Variants in PTK2 observed in about 807,000 individuals in gnomAD.
PTK2 encodes protein tyrosine kinase 2.
Under a neutral mutation model 150.1 loss-of-function variants are expected in PTK2, and 45 were observed. The ratio of observed to expected loss-of-function variants is 0.30; its 90% CI spans 0.24 to 0.38. PTK2 has a LOEUF of 0.38. Among genes scored for constraint, PTK2 ranks in the 10% least tolerant of loss-of-function variants. The pLI, the probability that PTK2 is intolerant of heterozygous loss-of-function variation, is 1.00. For synonymous variants in PTK2, 432 were observed against 449.2 expected (o/e 0.96, Z 0.48); for missense variants, 919 against 1,307.3 (o/e 0.70, Z 4.58).
chr8:140,962,931 T>C (rs529928569), intron 1 of PTK2, among the ~76,000 whole-genome samples: 127 of 151,858 alleles, frequency 8.4e-4, no homozygotes, highest in African/African-American at 2.7e-3. Flanking sequence ...AGTGCTCTCC[T>C]GGGGACCCTA....
At chr8:140,814,861 G>A (rs916146439) in intron 10 of PTK2, among the ~76,000 whole-genome samples, 18 of 150,418 alleles carry the variant, frequency 1.2e-4, no homozygotes, top group Middle Eastern at 3.5e-3. Flanking sequence ...TGCAAGCTCC[G>A]CCTCCCGGGT....
chr8:140,759,910 T>C (rs1337697883), intron 16 of PTK2, among the ~76,000 whole-genome samples: 3 of 149,954 alleles, frequency 2.0e-5, no homozygotes, highest in Non-Finnish European at 1.5e-5. Context: ...CTAATAGGCA[T>C]ATACAAAAGA....
intron 29 of PTK2, 122 bp from the exon 34 acceptor site, chr8:140,668,546 T>C (rs1294846546): frequency 8.7e-7 from 1 of 1,146,600 alleles, no homozygotes; most frequent in Non-Finnish European, 1.2e-6. Context: ...ATTGATTTTC[T>C]TGTGTGTGCG....
intron 22 of PTK2, among the ~76,000 whole-genome samples, chr8:140,718,953 A>G (rs751753262): frequency 1.1e-4 from 16 of 152,160 alleles, no homozygotes; most frequent in Admixed American, 2.0e-4. Flanking sequence ...CAAGGTGGGC[A>G]GATCACGAGG....
At chr8:140,824,310 C>T (rs2100110602) in intron 8 of PTK2, among the ~76,000 whole-genome samples, 1 of 152,148 alleles carries the variant, frequency 6.6e-6, no homozygotes, top group African/African-American at 2.4e-5. Flanking sequence ...AAACATGCTG[C>T]TTTTTCTGTA....
intron 1 of PTK2, among the ~76,000 whole-genome samples, chr8:140,951,581 T>C (rs918950676): frequency 2.0e-5 from 3 of 152,198 alleles, no homozygotes; most frequent in Non-Finnish European, 2.9e-5. Context: ...TTTTGTCCTA[T>C]AGCTAAAAAG....
chr8:140,783,973 G>A (rs1051871501), intron 14 of PTK2, among the ~76,000 whole-genome samples: 3 of 152,096 alleles, frequency 2.0e-5, no homozygotes, highest in African/African-American at 7.2e-5. Context: ...GATCAGCCTG[G>A]CCAACGTTGT....
chr8:140,791,224 C>T (rs1165721511), intron 13 of PTK2, among the ~76,000 whole-genome samples: 2 of 152,130 alleles, frequency 1.3e-5, no homozygotes, highest in Admixed American at 6.6e-5. Context: ...CACCCAGACT[C>T]GAGTGTGGTT....
rs115045545 is a variant in PTK2 at position 140,847,682 on chromosome 8, C to A, written c.451-1004G>T. Among the ~76,000 whole-genome samples, 685 of 152,278 alleles carry A rather than the reference C, an allele frequency of 4.5e-3. 4 individuals carry two copies. The highest frequency in any genetic ancestry group is 0.016 in the African/African-American group (648 of 41,562). On this transcript the variant is annotated intron_variant, in intron 5 of 31. Transcript: ENST00000522684. ...AAATTTGTGGAAATTTGTCTTCTTT[C>A]TTGTTCTGTACTTTCATAATACCCT...
At chr8:140,862,939 C>T (rs535521904) in intron 5 of PTK2, among the ~76,000 whole-genome samples, 165 of 152,276 alleles carry the variant, frequency 1.1e-3, no homozygotes, top group African/African-American at 3.3e-3. Context: ...AGGCCCCAAC[C>T]TATCTCCTAT....
At chr8:140,943,897 C>T (rs775274343) in intron 1 of PTK2, among the ~76,000 whole-genome samples, 1 of 152,132 alleles carries the variant, frequency 6.6e-6, no homozygotes, top group Non-Finnish European at 1.5e-5. Flanking sequence ...CTGTCCAAAT[C>T]TTTTGGCCAC....
chr8:140,949,109 A>G (rs1442312297), intron 1 of PTK2, among the ~76,000 whole-genome samples: 4 of 152,174 alleles, frequency 2.6e-5, no homozygotes, highest in East Asian at 1.9e-4. Context: ...CTTCCATTTA[A>G]TAAGTATATT....
At chr8:140,985,512 C>T (rs528338867) in intron 1 of PTK2, among the ~76,000 whole-genome samples, 5 of 152,314 alleles carry the variant, frequency 3.3e-5, no homozygotes, top group African/African-American at 7.2e-5. Flanking sequence ...AATCTCCACA[C>T]GGTTCTCATC....
chr8:140,690,231 C>T (rs1253839188), intron 26 of PTK2, among the ~76,000 whole-genome samples: 2 of 152,172 alleles, frequency 1.3e-5, no homozygotes, highest in Non-Finnish European at 2.9e-5. Flanking sequence ...GGATTACAGG[C>T]GTGAGCCACC....
chr8:140,711,689 T>C (rs7461251), intron 23 of PTK2, among the ~76,000 whole-genome samples: 64,876 of 152,026 alleles, frequency 0.43, 15,227 homozygotes, highest in Non-Finnish European at 0.54. Context: ...CAGTTATAGC[T>C]GTGGGGGTCT....
At chr8:140,847,621 T>C (rs532853770) in intron 5 of PTK2, among the ~76,000 whole-genome samples, 26 of 152,318 alleles carry the variant, frequency 1.7e-4, no homozygotes, top group African/African-American at 5.3e-4. Context: ...AAGAAAACCA[T>C]GCTCAATTAT....
chr8:140,773,723 G>A (rs1227399402), intron 14 of PTK2, among the ~76,000 whole-genome samples: 1 of 152,136 alleles, frequency 6.6e-6, no homozygotes, highest in Non-Finnish European at 1.5e-5. Flanking sequence ...CCTGGTAAGG[G>A]CACTGGCTTT....
At chr8:140,973,429 A>G (rs2100188109) in intron 1 of PTK2, among the ~76,000 whole-genome samples, 3 of 152,074 alleles carry the variant, frequency 2.0e-5, no homozygotes, top group Admixed American at 2.0e-4. Flanking sequence ...TTGGATCCTA[A>G]ATTTAGATAT....
intron 7 of PTK2, among the ~76,000 whole-genome samples, chr8:140,836,507 TTA>T: frequency 6.6e-6 from 1 of 152,306 alleles, no homozygotes; most frequent in South Asian, 2.1e-4. Context: ...ATCACTTCTT[TTA>T]TATAAGAGAA....
Sources: gnomAD v4.1 joint callset for allele counts (sites outside exome capture counted in the v4.1 genomes callset) on GRCh38, gnomAD v4.1.1 for gene constraint, MANE v1.5 for transcripts, NCBI Gene and HGNC (gene_info 2026-07-23, HGNC 2026-07-21) for gene names.